Variants in TRPM7 observed in about 807,000 individuals in gnomAD.
The protein encoded by TRPM7 is LTRPC ion channel family member 7.
A neutral mutation model predicts 229.7 loss-of-function variants in TRPM7; 134 were observed. That is an observed-to-expected ratio of 0.58 (90% CI 0.51 to 0.67). The LOEUF (loss-of-function observed/expected upper bound fraction) is 0.67, where lower values mean the gene tolerates loss of function less well. TRPM7 is among the 30% of genes least tolerant of loss of function. TRPM7 has a pLI of 0.00. For missense variants in TRPM7, 1,901 were observed against 2,210.0 expected (o/e 0.86, Z 2.80); for synonymous variants, 699 against 715.2 (o/e 0.98, Z 0.36).
chr15:50,646,936 G>A (rs767910334), intron 4 of TRPM7, among the ~76,000 whole-genome samples: 1 of 152,098 alleles, frequency 6.6e-6, no homozygotes, highest in South Asian at 2.1e-4. Context: ...GAGGTTTACA[G>A]CCTAAAAGCA....
chr15:50,659,695 TCTCA>T (rs1341516282), intron 2 of TRPM7, among the ~76,000 whole-genome samples: 2 of 151,434 alleles, frequency 1.3e-5, no homozygotes, highest in Non-Finnish European at 2.9e-5. Context: ...TGAGATGGAG[TCTCA>T]CTCTGTCACT....
rs781024192 is a variant in TRPM7, at chr15:50,605,079, G to A, written c.2775C>T (p.Asn925=). ...KIKVWFSDYF[N]ISDTIAIISF... ...AAATTATGGCAATTGTATCACTGAT[G>A]TTGAAGTAATCACTAAACCATACTT... is the stretch of plus-strand genomic sequence containing the variant. The change falls in exon 21 of 39, where the codon AAC becomes AAT. Residue 925 remains asparagine (N), a synonymous_variant. Coordinates refer to ENST00000646667, the MANE Select transcript of TRPM7 (RefSeq NM_017672.6). 32 of 1,613,484 alleles carry A rather than the reference G, an allele frequency of 2.0e-5. No individual in the cohort carries two copies. Among genetic ancestry groups the A allele is most frequent in the Non-Finnish European group, 2.5e-5 (30 of 1,179,692 alleles).
At chr15:50,664,469 A>C (rs1403084797) in intron 1 of TRPM7, among the ~76,000 whole-genome samples, 1 of 152,222 alleles carries the variant, frequency 6.6e-6, no homozygotes, top group Non-Finnish European at 1.5e-5. Context: ...ATAGTGTCAG[A>C]AAAATGGGTA....
intron 32 of TRPM7, 34 bp from the exon 33 acceptor site, chr15:50,575,823 G>T (rs1461579650): frequency 6.2e-7 from 1 of 1,612,002 alleles, no homozygotes; most frequent in South Asian, 1.1e-5. Flanking sequence ...AATTAAATCT[G>T]TAAAGGTCCA....
At position 50,574,412 on chromosome 15, in the gene TRPM7, T is replaced by TC; in HGVS notation, c.5169dup (p.Thr1724AspfsTer5). 6.2e-7 allele frequency: 1 copy of TC among 1,613,986 alleles called. No individual in the cohort carries two copies. Among genetic ancestry groups the TC allele is most frequent in the Non-Finnish European group, 8.5e-7 (1 of 1,179,988 alleles). On this transcript the variant is annotated frameshift_variant, in exon 36 of 39. Coordinates refer to ENST00000646667, the MANE Select transcript of TRPM7 (RefSeq NM_017672.6). LOFTEE classifies it high-confidence loss of function. ...TTGTTGTATTTTCTAAATTCTCCAG[T>TC]CATACATTCTTCCACAGCAAACCAC...
intron 6 of TRPM7, among the ~76,000 whole-genome samples, chr15:50,638,504 G>A (rs978026844): frequency 1.3e-5 from 2 of 150,654 alleles, no homozygotes; most frequent in African/African-American, 4.9e-5. Context: ...AGACCAGATC[G>A]TGCTACTGCA....
intron 1 of TRPM7, among the ~76,000 whole-genome samples, chr15:50,681,264 T>TACACACATAC (rs1555436715): frequency 6.8e-6 from 1 of 146,906 alleles, no homozygotes; most frequent in African/African-American, 2.6e-5. Context: ...AATAAATAAA[T>TACACACATAC]ACACACACAC....
intron 3 of TRPM7, among the ~76,000 whole-genome samples, chr15:50,656,881 C>G (rs2061587877): frequency 6.6e-6 from 1 of 152,170 alleles, no homozygotes; most frequent in South Asian, 2.1e-4. Flanking sequence ...TTGCATTTAT[C>G]TCATTAAGCC....
At chr15:50,640,370 G>A (rs1229052973) in intron 5 of TRPM7, among the ~76,000 whole-genome samples, 2 of 151,850 alleles carry the variant, frequency 1.3e-5, no homozygotes, top group Admixed American at 6.6e-5. Context: ...TTGACCTCCC[G>A]GGCTCAAGTG....
chr15:50,648,246 G>A (rs1246034608), intron 4 of TRPM7, among the ~76,000 whole-genome samples: 1 of 150,576 alleles, frequency 6.6e-6, no homozygotes, highest in African/African-American at 2.4e-5. Context: ...AAAGGAGTAA[G>A]AAAATAATAA....
chr15:50,599,096 TA>T, intron 22 of TRPM7, 25 bp downstream of exon 22: 1 of 1,513,804 alleles, frequency 6.6e-7, no homozygotes, highest in Non-Finnish European at 9.0e-7. Context: ...AACCAAAAGA[TA>T]AATCTGTAAA....
At chr15:50,618,725 C>G (rs1215209372) in intron 13 of TRPM7, among the ~76,000 whole-genome samples, 1 of 152,024 alleles carries the variant, frequency 6.6e-6, no homozygotes, top group Non-Finnish European at 1.5e-5. Flanking sequence ...ATTATCTGAA[C>G]AGTGAATAGT....
intron 28 of TRPM7, among the ~76,000 whole-genome samples, chr15:50,583,575 G>GT (rs539720713): frequency 0.022 from 2,373 of 108,814 alleles, 77 homozygotes; most frequent in African/African-American, 0.074. Flanking sequence ...TAAGCTTAGA[G>GT]TTTTGTTTTT....
intron 27 of TRPM7, among the ~76,000 whole-genome samples, chr15:50,589,128 C>T (rs1420142639): frequency 6.6e-6 from 1 of 152,026 alleles, no homozygotes; most frequent in Non-Finnish European, 1.5e-5. Flanking sequence ...TTGAGGCCAG[C>T]CTGGACAACA....
chr15:50,679,723 G>T (rs2062202243), intron 1 of TRPM7, among the ~76,000 whole-genome samples: 1 of 150,364 alleles, frequency 6.7e-6, no homozygotes, highest in Non-Finnish European at 1.5e-5. Flanking sequence ...TTTAGTAGAG[G>T]TGGGGTTATC....
chr15:50,580,755 GAATA>G (rs2054360935), intron 30 of TRPM7, 115 bp downstream of exon 30: 1 of 879,670 alleles, frequency 1.1e-6, no homozygotes, highest in African/African-American at 1.7e-5. Context: ...GGAGATGCTA[GAATA>G]AATAATCATC....
At chr15:50,598,067 GC>G (rs1486346021) in intron 22 of TRPM7, among the ~76,000 whole-genome samples, 4 of 152,096 alleles carry the variant, frequency 2.6e-5, no homozygotes, top group African/African-American at 9.7e-5. Context: ...TTTCTATGTG[GC>G]CACCCTTGGA....
intron 38 of TRPM7, among the ~76,000 whole-genome samples, chr15:50,563,155 G>A (rs755659101): frequency 9.9e-5 from 15 of 152,190 alleles, no homozygotes; most frequent in Non-Finnish European, 2.1e-4. Context: ...TTTGTAAGTA[G>A]TTTTACTGGA....
At chr15:50,610,107 C>A in intron 17 of TRPM7, 146 bp from the exon 18 acceptor site, 2 of 595,918 alleles carry the variant, frequency 3.4e-6, no homozygotes, top group South Asian at 3.1e-5. Context: ...GGAAAAAAAA[C>A]AACAAATTGA....
Sources: allele counts gnomAD v4.1 joint callset (sites outside exome capture counted in the v4.1 genomes callset), GRCh38; gene constraint gnomAD v4.1.1; transcripts MANE v1.5; gene names NCBI Gene and HGNC (gene_info 2026-07-23, HGNC 2026-07-21).